MAP2K5: variants seen among roughly 807,000 people sequenced by gnomAD.
MAP2K5 encodes the protein dual specificity mitogen-activated protein kinase kinase 5.
A neutral mutation model predicts 83.1 loss-of-function variants in MAP2K5; 49 were observed. The observed-to-expected ratio is 0.59, with a 90% CI of 0.47 to 0.75. MAP2K5 has a LOEUF of 0.75. Among genes scored for constraint, MAP2K5 ranks in the 30% least tolerant of loss-of-function variants. The probability of loss-of-function intolerance (pLI) is 0.00; values close to 1 mark genes in which losing one functional copy is unlikely to be tolerated. For synonymous variants in MAP2K5, 202 were observed against 191.8 expected (o/e 1.05, Z -0.44); for missense variants, 457 against 557.5 (o/e 0.82, Z 1.82).
rs931061236 is a variant in MAP2K5 at position 67,807,051 on chromosome 15, C to A, written c.*301C>A. The A allele has an allele frequency of 6.3e-6, 7 of 1,118,198 alleles. No individual in the cohort carries two copies. Among genetic ancestry groups the A allele is most frequent in the Non-Finnish European group, 6.0e-6 (5 of 830,866 alleles). The allele number at this position is 1,118,198 out of a possible 1,614,324, so 69.3% of individuals were successfully genotyped here. ...CCACTTCTGTTTTCCTAATGTTTTT[C>A]TCTATAAAGGGTCAGGCCCGTCAGC... On this transcript the variant is annotated 3_prime_UTR_variant, in exon 22 of 22. Coordinates refer to ENST00000178640, the MANE Select transcript of MAP2K5 (RefSeq NM_145160.3). The surrounding 1 kb of genome is among the most constrained non-coding windows in gnomAD (Gnocchi z 5.1).
chr15:67,660,204 C>G (rs950793663), intron 12 of MAP2K5, among the ~76,000 whole-genome samples: 10 of 151,568 alleles, frequency 6.6e-5, no homozygotes, highest in Non-Finnish European at 1.5e-4. Context: ...TAATTTTGCT[C>G]TTTGTCTGCC....
At chr15:67,737,311 G>T (rs2089364135) in intron 17 of MAP2K5, among the ~76,000 whole-genome samples, 2 of 152,254 alleles carry the variant, frequency 1.3e-5, no homozygotes, top group South Asian at 2.1e-4. Flanking sequence ...TTATACTCCA[G>T]TGTTTTACTT....
chr15:67,804,539 T>C (rs2090763918), intron 21 of MAP2K5, among the ~76,000 whole-genome samples: 1 of 152,232 alleles, frequency 6.6e-6, no homozygotes, highest in African/African-American at 2.4e-5. Flanking sequence ...ACCGGGGCAC[T>C]TGGGCAAACT....
chr15:67,770,902 G>C lies in MAP2K5; in HGVS notation c.1196+1239G>C, dbSNP rs980040970. Among the ~76,000 whole-genome samples the C allele has an allele frequency of 2.0e-5, 3 of 151,974 alleles. No homozygotes were observed. The highest frequency in any genetic ancestry group is 7.3e-5 in the African/African-American group (3 of 41,366). ...CAATTAAAAAAATTTTATTAACACTGTTTCTATTTATTTAAAATACTTATA... is the reference window on the plus strand; with the variant it reads ...CAATTAAAAAAATTTTATTAACACTCTTTCTATTTATTTAAAATACTTATA... On this transcript the variant is annotated intron_variant, in intron 20 of 21. Transcript: ENST00000178640. This position sits in a 1 kb window ranked among gnomAD's most constrained non-coding sequence, Gnocchi z 5.0.
intron 19 of MAP2K5, among the ~76,000 whole-genome samples, chr15:67,756,531 G>GTA (rs1216554151): frequency 1.3e-5 from 1 of 77,888 alleles, no homozygotes; most frequent in African/African-American, 5.2e-5. Flanking sequence ...GTGTGTGTGT[G>GTA]TGTGTGTGTG....
intron 11 of MAP2K5, 31 bp from the exon 12 acceptor site, chr15:67,658,522 T>A (rs774617488): frequency 6.4e-7 from 1 of 1,560,240 alleles, no homozygotes; most frequent in African/African-American, 1.4e-5. Flanking sequence ...GTAATTTCAT[T>A]TGTAGTAACA....
chr15:67,751,006 T>A (rs1297295979), intron 19 of MAP2K5, among the ~76,000 whole-genome samples: 1 of 152,110 alleles, frequency 6.6e-6, no homozygotes, highest in Non-Finnish European at 1.5e-5. Flanking sequence ...TATTTTCTTA[T>A]TATGTGGATT....
At chr15:67,593,004 CATA>C (rs747008190) in intron 7 of MAP2K5, 30 bp downstream of exon 7, 4 of 1,410,192 alleles carry the variant, frequency 2.8e-6, no homozygotes, top group Non-Finnish European at 4.0e-6. Context: ...AAGATTTTCA[CATA>C]ATAATAACAT....
rs1220865648 is a variant in MAP2K5, at chr15:67,783,298, C to T, written c.1242+10546C>T. The stretch of plus-strand genomic sequence containing the variant: ...GAATGTGAGAATTGCCAGAGACCCC[C>T]GCTCACCTTCTCCTCCCACCCTCAC... On this transcript the variant is annotated intron_variant, in intron 21 of 21. Coordinates refer to ENST00000178640, the MANE Select transcript of MAP2K5 (RefSeq NM_145160.3). The surrounding 1 kb of genome is among the most constrained non-coding windows in gnomAD (Gnocchi z 5.1). Among the ~76,000 whole-genome samples, 7 of 152,144 alleles carry T rather than the reference C, an allele frequency of 4.6e-5. No homozygotes were observed. Among genetic ancestry groups the T allele is most frequent in the East Asian group, 1.9e-4 (1 of 5,186 alleles).
At chr15:67,663,147 C>T (rs889903655) in intron 12 of MAP2K5, among the ~76,000 whole-genome samples, 5 of 152,162 alleles carry the variant, frequency 3.3e-5, no homozygotes, top group Non-Finnish European at 7.4e-5. Context: ...TGTTAGGTAT[C>T]TATTTCCTAA....
rs534902706 is a variant in MAP2K5 at position 67,690,797 on chromosome 15, G to A, written c.848-1682G>A. Among the ~76,000 whole-genome samples the A allele has an allele frequency of 6.6e-6, 1 of 152,162 alleles. No individual in the cohort carries two copies. Among genetic ancestry groups the A allele is most frequent in the Admixed American group, 6.5e-5 (1 of 15,276 alleles). On this transcript the variant is annotated intron_variant, in intron 13 of 21. Coordinates refer to ENST00000178640, the MANE Select transcript of MAP2K5 (RefSeq NM_145160.3). The surrounding 1 kb of genome is among the most constrained non-coding windows in gnomAD (Gnocchi z 4.3). ...GATCTGCCTGCCTCAGCCTCCCAAA[G>A]TGTTGGGATTACATGCGTGAGCCAC...
At position 67,702,187 on chromosome 15, in the gene MAP2K5, C is replaced by A. The variant is rs2088438309; in HGVS notation, c.973-1150C>A. On this transcript the variant is annotated intron_variant, in intron 15 of 21. Coordinates refer to ENST00000178640, the MANE Select transcript of MAP2K5 (RefSeq NM_145160.3). The surrounding 1 kb of genome is among the most constrained non-coding windows in gnomAD (Gnocchi z 4.6). ...GGTTAGTAATGTAAACTACTCTGTG[C>A]CTCATTTTCCTCATCTGTTAAATGG... is the stretch of plus-strand genomic sequence containing the variant. Among the ~76,000 whole-genome samples the A allele has an allele frequency of 6.6e-6, 1 of 152,116 alleles. No homozygotes were observed. The highest frequency in any genetic ancestry group is 1.9e-4 in the East Asian group (1 of 5,200).
chr15:67,640,592 G>A lies in MAP2K5; in HGVS notation c.586-5639G>A. 1 of 985,354 alleles carries A rather than the reference G, an allele frequency of 1.0e-6. No homozygotes were observed. Among genetic ancestry groups the A allele is most frequent in the Non-Finnish European group, 1.2e-6 (1 of 829,886 alleles). The allele number at this position is 985,354 out of a possible 1,614,324, so 61.0% of individuals were successfully genotyped here. A position where few individuals can be genotyped will look rare whatever the true frequency, so the allele number is the denominator to read the frequency against. On this transcript the variant is annotated intron_variant, in intron 9 of 21. Transcript: ENST00000178640. This position sits in a 1 kb window ranked among gnomAD's most constrained non-coding sequence, Gnocchi z 4.6. ...GCAGGGTCTGACGCCTGCATGGAATGATGAGGGAAATTTAATTTTCCAAGC... is the reference window on the plus strand; with the variant it reads ...GCAGGGTCTGACGCCTGCATGGAATAATGAGGGAAATTTAATTTTCCAAGC...
intron 9 of MAP2K5, among the ~76,000 whole-genome samples, chr15:67,645,038 CT>C (rs2086799374): frequency 6.6e-6 from 1 of 151,902 alleles, no homozygotes; most frequent in African/African-American, 2.4e-5. Flanking sequence ...ATCCCAGCTA[CT>C]CAGGAGGCTG....
chr15:67,598,205 CAA>C (rs529764590), intron 7 of MAP2K5, among the ~76,000 whole-genome samples: 1 of 130,450 alleles, frequency 7.7e-6, no homozygotes. Context: ...ACTTCATCTC[CAA>C]AAAAAAAAAA....
chr15:67,776,716 T>C (rs1484807144), intron 21 of MAP2K5, among the ~76,000 whole-genome samples: 1 of 152,224 alleles, frequency 6.6e-6, no homozygotes, highest in African/African-American at 2.4e-5. Flanking sequence ...GAGATATTAC[T>C]GTATAGACCA....
At chr15:67,715,473 G>A (rs2088808418) in intron 16 of MAP2K5, among the ~76,000 whole-genome samples, 2 of 152,188 alleles carry the variant, frequency 1.3e-5, no homozygotes, top group African/African-American at 4.8e-5. Flanking sequence ...AGTTTGCTTT[G>A]TGTTCAGAGC....
At position 67,757,453 on chromosome 15, in the gene MAP2K5, G is replaced by A. The variant is rs1652485944; in HGVS notation, c.1134+8852G>A. 6.6e-6 allele frequency among the ~76,000 whole-genome samples: 1 copy of A among 152,040 alleles called. No homozygotes were observed. Among genetic ancestry groups the A allele is most frequent in the Non-Finnish European group, 1.5e-5 (1 of 68,008 alleles). ...ATTTTGGTTTGGTCAGAGTATGGGA[G>A]ATTCAGATCTCCACCCCCTTTCCCA... On this transcript the variant is annotated intron_variant, in intron 19 of 21. Coordinates refer to ENST00000178640, the MANE Select transcript of MAP2K5 (RefSeq NM_145160.3). This position sits in a 1 kb window ranked among gnomAD's most constrained non-coding sequence, Gnocchi z 4.9.
At chr15:67,685,832 C>T (rs950802245) in intron 13 of MAP2K5, among the ~76,000 whole-genome samples, 1 of 152,230 alleles carries the variant, frequency 6.6e-6, no homozygotes, top group Admixed American at 6.5e-5. Context: ...ATTGGGCCTT[C>T]GCCTGTTTTT....
Sources: allele counts gnomAD v4.1 joint callset (sites outside exome capture counted in the v4.1 genomes callset), GRCh38; gene constraint gnomAD v4.1.1; non-coding constraint Gnocchi (gnomAD v3.1); transcripts MANE v1.5; gene names NCBI Gene and HGNC (gene_info 2026-07-23, HGNC 2026-07-21).